The following BTNL2 variants were observed in gnomAD, a reference collection of about 807,000 sequenced individuals.
BTNL2 encodes butyrophilin like 2.
In BTNL2, 46 loss-of-function variants were observed where a neutral mutation model predicts 46.8. That is an observed-to-expected ratio of 0.98 (90% confidence interval 0.78 to 1.26). BTNL2 has a LOEUF of 1.26. Among genes scored for constraint, BTNL2 ranks in the 50% most tolerant of loss-of-function variants. The pLI, the probability that BTNL2 is intolerant of heterozygous loss-of-function variation, is 0.00. For missense variants in BTNL2, 461 were observed against 592.6 expected, an observed-to-expected ratio of 0.78 and a Z score of 2.31; for synonymous variants, 226 against 229.1, an observed-to-expected ratio of 0.99 and a Z score of 0.12.
At chr6:32,400,521 A>G (rs1776683325) in intron 4 of BTNL2, among the ~76,000 whole-genome samples, 1 of 151,926 alleles carries the variant, frequency 6.6e-6, no homozygotes, top group Admixed American at 6.6e-5. Flanking sequence ...TAAAGGGGAA[A>G]CTCAAAGGGG....
intron 1 of BTNL2, chr6:32,406,451 T>A (rs908049669): frequency 2.0e-5 from 3 of 151,450 alleles, no homozygotes; most frequent in African/African-American, 7.3e-5. Context: ...CTGTGTCGTG[T>A]TTTTTCCCAC....
intron 4 of BTNL2, among the ~76,000 whole-genome samples, chr6:32,400,700 G>C (rs1400776401): frequency 1.4e-5 from 2 of 147,784 alleles, no homozygotes; most frequent in East Asian, 4.0e-4. Flanking sequence ...ATGAGGTCAG[G>C]AGATCGAGAC....
rs1248494885 is a variant in BTNL2 at position 32,394,352 on chromosome 6, C to T, written c.1361-295G>A. Among the ~76,000 whole-genome samples the T allele has an allele frequency of 6.6e-6, 1 of 152,200 alleles. No individual in the cohort carries two copies. Reference sequence around the variant, plus strand: ...GGAAAGGATAAAATTACTCAAGCCGCAACCATGAAGATGGTATTAATAAAA... The same window carrying T: ...GGAAAGGATAAAATTACTCAAGCCGTAACCATGAAGATGGTATTAATAAAA... On this transcript the variant is annotated intron_variant, in intron 6 of 7. Coordinates refer to ENST00000454136, the MANE Select transcript of BTNL2 (RefSeq NM_001304561.2). This position sits in a 1 kb window ranked among gnomAD's most constrained non-coding sequence, Gnocchi z 4.6.
In BTNL2 at chr6:32,394,895, T is replaced by C. The variant is rs573366265; in HGVS notation, c.1209A>G (p.Pro403=). Residue 403 remains proline, a synonymous_variant, in exon 6 of 8, where the codon CCA becomes CCG. Transcript: ENST00000454136. The surrounding 1 kb of genome is among the most constrained non-coding windows in gnomAD (Gnocchi z 4.6). ...PWRDMEGKTI[P]SSSQALTQGS... is the part of the protein sequence containing the mutation. ...CTTGAGTCAGGGCCTGGGAAGATGA[T>C]GGTATCGTCTTTCCTTCCATGTCCC... is the stretch of plus-strand genomic sequence containing the variant. 118 of 1,614,140 alleles carry C rather than the reference T, an allele frequency of 7.3e-5. No homozygotes were observed. In the South Asian group the frequency reaches 1.2e-3, roughly 17 times the overall value.
chr6:32,405,099 C>T lies in BTNL2; in HGVS notation c.267G>A (p.Glu89=). ...TCCACTCTACCCAGCCTCTGTACTC[C>T]TCCATCTGCATCTCAGTCACCTCCA... ...DGVEVTEMQM[E]EYRGWVEWIE... is the part of the protein sequence containing the mutation. Residue 89 remains glutamate (E), a synonymous_variant, in exon 2 of 8, where the codon GAG becomes GAA. Transcript: ENST00000454136. 6.2e-7 allele frequency: 1 copy of T among 1,613,076 alleles called. No homozygotes were observed. The highest frequency in any genetic ancestry group is 1.1e-5 in the South Asian group (1 of 91,088).
At chr6:32,400,750 A>ATACAAAAAAAAAC (rs1554223820) in intron 4 of BTNL2, among the ~76,000 whole-genome samples, 4 of 105,682 alleles carry the variant, frequency 3.8e-5, no homozygotes, top group Non-Finnish European at 8.5e-5. Context: ...TCTACTAAAA[A>ATACAAAAAAAAAC]AAAAAAAAAA....
In BTNL2 at chr6:32,396,030, A is replaced by G; in HGVS notation, c.1078+9T>C. 6.2e-7 allele frequency: 1 copy of G among 1,601,868 alleles called. No individual in the cohort carries two copies. The stretch of plus-strand genomic sequence containing the variant: ...TATTGAATACAAAATATCTATCTAG[A>G]ATTCTTACTTACCACCTTCAGATCC... On this transcript the variant is annotated intron_variant, in intron 5 of 7. Transcript: ENST00000454136. This position sits in a 1 kb window ranked among gnomAD's most constrained non-coding sequence, Gnocchi z 4.4.
At chr6:32,400,542 G>A (rs1379160715) in intron 4 of BTNL2, among the ~76,000 whole-genome samples, 1 of 152,000 alleles carries the variant, frequency 6.6e-6, no homozygotes, top group African/African-American at 2.4e-5. Context: ...CTCAGCCATC[G>A]GCTGGTTATG....
chr6:32,393,647 T>C lies in BTNL2; in HGVS notation c.*7-258A>G, dbSNP rs17208734. On this transcript the variant is annotated intron_variant, in intron 7 of 7. Transcript: ENST00000454136. This position sits in a 1 kb window ranked among gnomAD's most constrained non-coding sequence, Gnocchi z 4.8. Reference sequence around the variant, plus strand: ...CTCAGTGAACCTCAGCTCTCAGCCTTGAAAACAAGGATGGCTGTACTACTC... The same window carrying C: ...CTCAGTGAACCTCAGCTCTCAGCCTCGAAAACAAGGATGGCTGTACTACTC... 23,100 of 195,040 alleles carry C rather than the reference T, an allele frequency of 0.12. 1,669 individuals carry two copies. Among genetic ancestry groups the C allele is most frequent in the African/African-American group, 0.13 (5,477 of 42,978 alleles). 12.1% of individuals were successfully genotyped at this position (195,040 alleles called of 1,614,324 possible). A position where few individuals can be genotyped will look rare whatever the true frequency, so the allele number is the denominator to read the frequency against.
chr6:32,403,396 A>T (rs1776916758), intron 2 of BTNL2, among the ~76,000 whole-genome samples, 180 bp from the exon 3 acceptor site: 1 of 152,192 alleles, frequency 6.6e-6, no homozygotes, highest in African/African-American at 2.4e-5. Flanking sequence ...TTTGTTCCCC[A>T]GTCTGGGTCT....
At chr6:32,400,083 T>G (rs909241186) in intron 4 of BTNL2, among the ~76,000 whole-genome samples, 2 of 152,218 alleles carry the variant, frequency 1.3e-5, no homozygotes, top group Non-Finnish European at 2.9e-5. Context: ...TAAAACCTTC[T>G]TGAGAGACAG....
chr6:32,401,543 G>A (rs1776785411), intron 4 of BTNL2, among the ~76,000 whole-genome samples: 1 of 152,108 alleles, frequency 6.6e-6, no homozygotes, highest in Non-Finnish European at 1.5e-5. Context: ...CTTCCTATAG[G>A]TGTCCATCTG....
At position 32,394,863 on chromosome 6, in the gene BTNL2, T is replaced by A. The variant is rs1038119269; in HGVS notation, c.1241A>T (p.His414Leu). The A allele has an allele frequency of 2.5e-6, 4 of 1,614,222 alleles. No individual in the cohort carries two copies. Among genetic ancestry groups the A allele is most frequent in the Middle Eastern group, 3.3e-4 (2 of 6,062 alleles). The part of the protein sequence containing the change: ...SSSQALTQGS[H>L]GLFHVQTLLR... ...CAATGTCTGCACGTGGAACAGCCCGTGGCTGCCTTGAGTCAGGGCCTGGGA... is the reference window on the plus strand; with the variant it reads ...CAATGTCTGCACGTGGAACAGCCCGAGGCTGCCTTGAGTCAGGGCCTGGGA... Residue 414 changes from histidine (H) to leucine (L), a missense_variant, in exon 6 of 8, where the codon CAC becomes CTC. Transcript: ENST00000454136. The surrounding 1 kb of genome is among the most constrained non-coding windows in gnomAD (Gnocchi z 4.6).
At chr6:32,402,108 G>A (rs1214758635) in intron 3 of BTNL2, among the ~76,000 whole-genome samples, 2 of 151,932 alleles carry the variant, frequency 1.3e-5, no homozygotes. Flanking sequence ...TCCTTTTATA[G>A]ATACACAGAA....
intron 4 of BTNL2, among the ~76,000 whole-genome samples, chr6:32,401,069 G>A (rs1194243623): frequency 1.3e-5 from 2 of 149,892 alleles, no homozygotes; most frequent in Non-Finnish European, 3.0e-5. Context: ...TTAGCCGGGC[G>A]TGGTGGCGGT....
intron 2 of BTNL2, among the ~76,000 whole-genome samples, chr6:32,404,120 G>A (rs1776964733): frequency 6.6e-6 from 1 of 151,644 alleles, no homozygotes. Flanking sequence ...GAAAAAAAAA[G>A]GTATTAGGAA....
chr6:32,405,406 T>C, intron 1 of BTNL2, 120 bp from the exon 2 acceptor site: 1 of 939,392 alleles, frequency 1.1e-6, no homozygotes, highest in South Asian at 1.4e-5. Context: ...ATATGTTTAA[T>C]GTTTTAGAGA....
intron 2 of BTNL2, among the ~76,000 whole-genome samples, chr6:32,404,596 C>T (rs1434914088): frequency 1.3e-5 from 2 of 152,172 alleles, no homozygotes; most frequent in African/African-American, 2.4e-5. Context: ...ATACAGATGC[C>T]GGACGTCAGC....
rs143816072 is a variant in BTNL2 at position 32,403,055 on chromosome 6, C to T, written c.589G>A (p.Asp197Asn). 2.4e-4 allele frequency: 395 copies of T among 1,612,908 alleles called. 3 individuals are homozygous for T. The South Asian group carries it at 3.4e-3, about 14-fold the overall frequency. Reference protein sequence around the residue: ...AVSEHRIQDKDGLFYAEATLV... With the variant: ...AVSEHRIQDKNGLFYAEATLV... ...GTGGCTTCCGCATAGAACAGGCCATCTTTATCTTGGATGCGATGCTCAGAC... is the reference window on the plus strand; with the variant it reads ...GTGGCTTCCGCATAGAACAGGCCATTTTTATCTTGGATGCGATGCTCAGAC... The change falls in exon 3 of 8, where the codon GAT becomes AAT. Residue 197 changes from aspartate to asparagine, a missense_variant. Asp to Asn is a conservative substitution (Grantham distance 23). Coordinates refer to ENST00000454136, the MANE Select transcript of BTNL2 (RefSeq NM_001304561.2).
Sources: allele counts gnomAD v4.1 joint callset (sites outside exome capture counted in the v4.1 genomes callset), GRCh38; gene constraint gnomAD v4.1.1; non-coding constraint Gnocchi (gnomAD v3.1); transcripts MANE v1.5; gene names NCBI Gene and HGNC (gene_info 2026-07-23, HGNC 2026-07-21).